Variants in CTNNA2 observed in about 807,000 individuals in gnomAD.
CTNNA2 encodes catenin alpha-2.
Under a neutral mutation model 101.0 loss-of-function variants are expected in CTNNA2, and 42 were observed. The observed-to-expected ratio is 0.42, with a 90% CI of 0.32 to 0.54. CTNNA2 has a LOEUF of 0.54. Ranked by LOEUF, CTNNA2 falls within the 20% of genes least tolerant of loss-of-function variation. The pLI, the probability that CTNNA2 is intolerant of heterozygous loss-of-function variation, is 0.14. For missense variants in CTNNA2, 871 were observed against 1,223.1 expected (o/e 0.71, Z 4.29); for synonymous variants, 450 against 456.4 (o/e 0.99, Z 0.18).
At chr2:80,375,814 C>T (rs976422902) in intron 7 of CTNNA2, among the ~76,000 whole-genome samples, 15 of 151,716 alleles carry the variant, frequency 9.9e-5, no homozygotes, top group African/African-American at 3.4e-4. Flanking sequence ...TCACCCGCCT[C>T]GGCCTCCCAA....
intron 7 of CTNNA2, among the ~76,000 whole-genome samples, chr2:79,974,946 C>T (rs962842738): frequency 6.6e-6 from 1 of 152,042 alleles, no homozygotes; most frequent in Non-Finnish European, 1.5e-5. Context: ...ACCTGGAGAA[C>T]AGAGCGTCAT....
intron 17 of CTNNA2, among the ~76,000 whole-genome samples, chr2:80,612,741 T>G (rs1698567782): frequency 6.6e-6 from 1 of 151,426 alleles, no homozygotes; most frequent in Non-Finnish European, 1.5e-5. Flanking sequence ...TAAGCAACCT[T>G]TTTTTCTTAA....
chr2:80,247,231 T>G (rs1185400068), intron 7 of CTNNA2, among the ~76,000 whole-genome samples: 1 of 152,284 alleles, frequency 6.6e-6, no homozygotes, highest in African/African-American at 2.4e-5. Context: ...AGCTGATCCC[T>G]GCTGATGTCC....
chr2:80,337,320 A>G (rs1319953682), intron 7 of CTNNA2, among the ~76,000 whole-genome samples: 1 of 151,736 alleles, frequency 6.6e-6, no homozygotes, highest in South Asian at 2.1e-4. Context: ...GTGCCACTGC[A>G]CTCTAGCCTG....
At chr2:80,557,206 T>C (rs1693123293) in intron 12 of CTNNA2, among the ~76,000 whole-genome samples, 2 of 152,162 alleles carry the variant, frequency 1.3e-5, no homozygotes, top group Admixed American at 1.3e-4. Context: ...ATAACAAAAA[T>C]AATGACAAGA....
intron 7 of CTNNA2, among the ~76,000 whole-genome samples, chr2:80,179,032 A>C (rs13386153): frequency 0.043 from 6,516 of 152,326 alleles, 219 homozygotes; most frequent in Non-Finnish European, 0.063. Flanking sequence ...GAACAAGATC[A>C]TGATACAATG....
intron 3 of CTNNA2, among the ~76,000 whole-genome samples, chr2:79,856,416 T>C (rs1431976776): frequency 2.0e-5 from 3 of 152,244 alleles, no homozygotes; most frequent in Non-Finnish European, 4.4e-5. Context: ...TATCATTGGC[T>C]TCATTTAAAT....
intron 1 of CTNNA2, among the ~76,000 whole-genome samples, chr2:79,638,978 A>C (rs548542999): frequency 1.9e-4 from 29 of 152,062 alleles, no homozygotes; most frequent in African/African-American, 7.0e-4. Flanking sequence ...TGTTTCCTGC[A>C]TTTTTTCTGG....
intron 2 of CTNNA2, among the ~76,000 whole-genome samples, chr2:79,297,958 C>A (rs765595387): frequency 5.9e-5 from 9 of 152,198 alleles, no homozygotes; most frequent in Non-Finnish European, 1.2e-4. Context: ...AAACTTCCAA[C>A]ATTTTGTGCA....
chr2:79,997,977 T>C (rs906334871), intron 7 of CTNNA2, among the ~76,000 whole-genome samples: 4 of 152,198 alleles, frequency 2.6e-5, no homozygotes, highest in African/African-American at 9.6e-5. Context: ...GTGTGGGTGA[T>C]AAATAGTTAA....
intron 13 of CTNNA2, 38 bp from the exon 14 acceptor site, chr2:80,581,668 C>T: frequency 7.7e-7 from 1 of 1,298,344 alleles, no homozygotes; most frequent in Non-Finnish European, 1.1e-6. Context: ...TGAAGATTAT[C>T]AATTTAAGTA....
intron 7 of CTNNA2, among the ~76,000 whole-genome samples, chr2:80,095,276 A>T (rs372419330): frequency 1.3e-5 from 2 of 151,290 alleles, no homozygotes; most frequent in Non-Finnish European, 2.9e-5. Context: ...GGTTTTTGTC[A>T]TTGGTTCTGT....
At chr2:79,547,903 A>T (rs1420984438) in intron 1 of CTNNA2, 1 of 152,244 alleles carries the variant, frequency 6.6e-6, no homozygotes, top group African/African-American at 2.4e-5. Flanking sequence ...TTATTTACCT[A>T]CTTATGATTT....
chr2:80,101,202 C>A (rs1416131563), intron 7 of CTNNA2, among the ~76,000 whole-genome samples: 2 of 152,120 alleles, frequency 1.3e-5, no homozygotes, highest in African/African-American at 4.8e-5. Context: ...ACTACCACAA[C>A]AAAAAGATTT....
intron 7 of CTNNA2, among the ~76,000 whole-genome samples, chr2:79,959,409 T>C (rs148294505): frequency 9.1e-4 from 138 of 152,334 alleles, no homozygotes; most frequent in African/African-American, 3.1e-3. Context: ...CTTATGACCA[T>C]TCTGTAGCCT....
intron 9 of CTNNA2, among the ~76,000 whole-genome samples, chr2:80,514,360 C>T (rs1278413932): frequency 6.6e-6 from 1 of 152,150 alleles, no homozygotes; most frequent in African/African-American, 2.4e-5. Flanking sequence ...TTACAATGCT[C>T]TCTTAGCTCC....
chr2:80,401,418 A>C (rs539178370), intron 8 of CTNNA2, among the ~76,000 whole-genome samples: 1 of 152,320 alleles, frequency 6.6e-6, no homozygotes, highest in East Asian at 1.9e-4. Context: ...ATGATTAATG[A>C]GGATACCCTA....
intron 7 of CTNNA2, among the ~76,000 whole-genome samples, chr2:80,098,021 C>T (rs1476647784): frequency 6.6e-6 from 1 of 152,202 alleles, no homozygotes; most frequent in Non-Finnish European, 1.5e-5. Context: ...AAGTTAGTCT[C>T]CATCCAGCTT....
intron 6 of CTNNA2, among the ~76,000 whole-genome samples, chr2:79,892,145 T>C (rs1179483270): frequency 2.6e-5 from 4 of 152,180 alleles, no homozygotes; most frequent in African/African-American, 9.7e-5. Context: ...TATTTTACAT[T>C]TTTACATCCA....
Sources: allele counts gnomAD v4.1 joint callset (sites outside exome capture counted in the v4.1 genomes callset), GRCh38; gene constraint gnomAD v4.1.1; transcripts MANE v1.5; gene names NCBI Gene and HGNC (gene_info 2026-07-23, HGNC 2026-07-21).